The following COL10A1 variants were observed in gnomAD, a reference collection of about 807,000 sequenced individuals.
COL10A1 encodes collagen alpha-1(X) chain.
COL10A1 carries 10 observed loss-of-function variants against 18.2 expected under a neutral mutation model. The observed-to-expected ratio is 0.55, with a 90% confidence interval of 0.34 to 0.93. The LOEUF (loss-of-function observed/expected upper bound fraction) is 0.93. Among genes scored for constraint, COL10A1 ranks in the 40% least tolerant of loss-of-function variants. COL10A1 has a pLI of 0.02. For missense variants in COL10A1, 897 were observed against 853.5 expected (o/e 1.05, Z -0.64); for synonymous variants, 330 against 316.6 (o/e 1.04, Z -0.45).
At chr6:116,201,471 A>G in the COL10A1 span, among the ~76,000 whole-genome samples, 1 of 152,016 alleles carries the variant, frequency 6.6e-6, no homozygotes, top group African/African-American at 2.4e-5. Context: ...TGACCAATCA[A>G]ATTTCCCTAA....
chr6:116,155,033 G>T (rs920838968), intron 1 of COL10A1, among the ~76,000 whole-genome samples: 2 of 152,144 alleles, frequency 1.3e-5, no homozygotes, highest in African/African-American at 4.8e-5. Flanking sequence ...TAACAGAATA[G>T]AACTTTGGTT....
chr6:116,209,613 T>TCTGCTG, the COL10A1 span, among the ~76,000 whole-genome samples: 1 of 151,874 alleles, frequency 6.6e-6, no homozygotes, highest in Non-Finnish European at 1.5e-5. Context: ...CTTCCAAGGT[T>TCTGCTG]CACCAGGCAG....
chr6:116,148,978 T>C (rs961857299), intron 1 of COL10A1, among the ~76,000 whole-genome samples: 2 of 152,186 alleles, frequency 1.3e-5, no homozygotes. Flanking sequence ...TACTAAACAT[T>C]TAAGTGATGA....
chr6:116,205,092 T>C, the COL10A1 span, among the ~76,000 whole-genome samples: 6 of 152,132 alleles, frequency 3.9e-5, no homozygotes, highest in East Asian at 1.2e-3. Context: ...AAATAATACA[T>C]TCATGGGTTC....
chr6:116,180,437 A>G, the COL10A1 span, among the ~76,000 whole-genome samples: 1 of 152,100 alleles, frequency 6.6e-6, no homozygotes, highest in East Asian at 1.9e-4. Flanking sequence ...TCCCTAATGA[A>G]ATAATGGACC....
At chr6:116,173,688 T>G in the COL10A1 span, among the ~76,000 whole-genome samples, 15 of 152,202 alleles carry the variant, frequency 9.9e-5, no homozygotes, top group Non-Finnish European at 1.9e-4. Context: ...TTTATTTTTT[T>G]GGTTGTCTTA....
chr6:116,129,698 T>A (rs572551686), upstream of COL10A1, among the ~76,000 whole-genome samples: 33 of 152,294 alleles, frequency 2.2e-4, no homozygotes, highest in African/African-American at 7.5e-4. Flanking sequence ...AATTACCCCG[T>A]CTGTGGCATT....
the COL10A1 span, among the ~76,000 whole-genome samples, chr6:116,172,633 A>G: frequency 6.6e-6 from 1 of 152,136 alleles, no homozygotes; most frequent in African/African-American, 2.4e-5. Context: ...CCTTAGTAAC[A>G]TATATACTTT....
the COL10A1 span, among the ~76,000 whole-genome samples, chr6:116,193,716 CCTTGAAT>C: frequency 2.6e-5 from 4 of 151,866 alleles, no homozygotes; most frequent in African/African-American, 9.7e-5. Flanking sequence ...CTGTAATAAA[CCTTGAAT>C]CTTTCATCTT....
At chr6:116,142,037 G>C (rs1779780060) in intron 1 of COL10A1, among the ~76,000 whole-genome samples, 1 of 151,850 alleles carries the variant, frequency 6.6e-6, no homozygotes, top group Non-Finnish European at 1.5e-5. Context: ...TGTTACTTCT[G>C]AGTTTCATTT....
intron 1 of COL10A1, chr6:116,137,451 C>A: frequency 6.0e-6 from 1 of 167,772 alleles, no homozygotes; most frequent in East Asian, 1.6e-4. Context: ...GTACACCTGG[C>A]CTTTGTGCAG....
At position 116,125,453 on chromosome 6, in the gene COL10A1, T is replaced by A; in HGVS notation, c.40A>T (p.Asn14Tyr). The A allele has an allele frequency of 6.2e-7, 1 of 1,613,918 alleles. No individual in the cohort carries two copies. The stretch of plus-strand genomic sequence containing the variant: ...GCGTAAAACACTCCATGAACCAAGT[T>A]CAAGGATACTAGCAGCAAAAAGGGT... Reference protein sequence around the residue: ...QIPFLLLVSLNLVHGVFYAER... With the variant: ...QIPFLLLVSLYLVHGVFYAER... Residue 14 changes from asparagine to tyrosine, a missense_variant, in exon 2 of 3, where the codon AAC becomes TAC. Coordinates refer to ENST00000651968, the MANE Select transcript of COL10A1 (RefSeq NM_000493.4).
At chr6:116,135,200 G>T (rs1192682953) in intron 1 of COL10A1, among the ~76,000 whole-genome samples, 1 of 152,072 alleles carries the variant, frequency 6.6e-6, no homozygotes, top group African/African-American at 2.4e-5. Flanking sequence ...TCTCTTGAAT[G>T]GAAATACATA....
the COL10A1 span, among the ~76,000 whole-genome samples, chr6:116,192,239 G>A: frequency 6.6e-6 from 1 of 151,922 alleles, no homozygotes; most frequent in South Asian, 2.1e-4. Context: ...GGGATAAGTT[G>A]TATTATGAGT....
the COL10A1 span, among the ~76,000 whole-genome samples, chr6:116,178,219 A>C: frequency 1.6e-4 from 24 of 152,116 alleles, no homozygotes; most frequent in Non-Finnish European, 3.4e-4. Flanking sequence ...TGAAACCCAC[A>C]AGCTGAGGAT....
At chr6:116,211,104 A>G in the COL10A1 span, among the ~76,000 whole-genome samples, 2 of 152,050 alleles carry the variant, frequency 1.3e-5, no homozygotes, top group East Asian at 1.9e-4. Context: ...GGGGAAACCC[A>G]CCGCCACTTA....
the COL10A1 span, among the ~76,000 whole-genome samples, chr6:116,182,667 G>A: frequency 1.3e-5 from 2 of 151,854 alleles, no homozygotes; most frequent in African/African-American, 4.8e-5. Context: ...CATGTTTGTT[G>A]TCCATTTGTA....
At chr6:116,190,983 T>C in the COL10A1 span, among the ~76,000 whole-genome samples, 1 of 151,984 alleles carries the variant, frequency 6.6e-6, no homozygotes, top group African/African-American at 2.4e-5. Context: ...ACTCCAGCTC[T>C]TTATTTTAAG....
At chr6:116,204,839 T>C in the COL10A1 span, among the ~76,000 whole-genome samples, 1 of 152,010 alleles carries the variant, frequency 6.6e-6, no homozygotes. Flanking sequence ...GTGTAGTAGG[T>C]GCTCAGTAAT....
Sources: allele counts gnomAD v4.1 joint callset (sites outside exome capture counted in the v4.1 genomes callset), GRCh38; gene constraint gnomAD v4.1.1; transcripts MANE v1.5; gene names NCBI Gene and HGNC (gene_info 2026-07-23, HGNC 2026-07-21).